CD22: variants seen among roughly 807,000 people sequenced by gnomAD.
The protein encoded by CD22 is CD22 molecule.
Under a neutral mutation model 94.7 loss-of-function variants are expected in CD22, and 51 were observed. The observed-to-expected ratio is 0.54, with a 90% CI of 0.43 to 0.68. The LOEUF (loss-of-function observed/expected upper bound fraction) is 0.68. CD22 is among the 30% of genes least tolerant of loss of function. The pLI is 0.00. For synonymous variants in CD22, 424 were observed against 422.5 expected (o/e 1.00, Z -0.04); for missense variants, 931 against 1,060.4 (o/e 0.88, Z 1.69).
chr19:35,332,107 T>C, intron 2 of CD22, 33 bp downstream of exon 2: 1 of 1,613,788 alleles, frequency 6.2e-7, no homozygotes, highest in South Asian at 1.1e-5. Context: ...GTACTGGGGT[T>C]CTGGGATGTC....
intron 3 of CD22, chr19:35,333,199 C>T: frequency 4.3e-6 from 2 of 460,218 alleles, no homozygotes; most frequent in East Asian, 7.2e-5. Context: ...ATGTATTTTT[C>T]AGCTTTTGTG....
intron 1 of CD22, chr19:35,329,499 C>T (rs1357374429): frequency 5.7e-6 from 2 of 351,074 alleles, no homozygotes; most frequent in African/African-American, 4.3e-5. Flanking sequence ...CTGCAAGGCC[C>T]TCAACAGGCC....
intron 12 of CD22, 33 bp downstream of exon 12, chr19:35,345,753 C>T: frequency 1.4e-6 from 2 of 1,442,718 alleles, no homozygotes; most frequent in Non-Finnish European, 2.0e-6. Context: ...GACCCTGCAC[C>T]CTGGGAGGGA....
intron 9 of CD22, among the ~76,000 whole-genome samples, chr19:35,342,718 A>G (rs1421458527): frequency 6.6e-6 from 1 of 152,034 alleles, no homozygotes; most frequent in East Asian, 1.9e-4. Context: ...CACCTTCCAG[A>G]AGTCCTGAGC....
Position 35,336,254 on chromosome 19 carries a change from A to G in CD22, c.631A>G (p.Ser211Gly). ...CGAGCTCAAGTTCTCCCCACAGTGG[A>G]GTCACCATGGGAAGATTGTGACCTG... ...RSELKFSPQW[S>G]HHGKIVTCQL... Residue 211 changes from serine (S) to glycine (G), a missense_variant, in exon 4 of 14, where the codon AGT becomes GGT. Ser to Gly is a moderately conservative substitution (Grantham distance 56, BLOSUM62 0). Transcript: ENST00000085219. The G allele has an allele frequency of 6.2e-7, 1 of 1,614,162 alleles. No homozygotes were observed. The highest frequency in any genetic ancestry group is 8.5e-7 in the Non-Finnish European group (1 of 1,179,984).
chr19:35,342,863 T>C (rs1238858766), intron 9 of CD22, among the ~76,000 whole-genome samples: 2 of 152,146 alleles, frequency 1.3e-5, no homozygotes, highest in African/African-American at 4.8e-5. Context: ...CAGGCTGGAG[T>C]GCAGTGGCGT....
intron 13 of CD22, 107 bp from the exon 14 acceptor site, chr19:35,346,459 C>T: frequency 6.8e-7 from 1 of 1,463,912 alleles, no homozygotes; most frequent in Non-Finnish European, 9.3e-7. Context: ...AGGACACCCG[C>T]CTGGGCTTTT....
chr19:35,332,390 T>A, intron 2 of CD22, 157 bp from the exon 3 acceptor site: 1 of 766,710 alleles, frequency 1.3e-6, no homozygotes, highest in Non-Finnish European at 2.0e-6. Context: ...GGTGGGAGGA[T>A]CACTTGAGGT....
intron 1 of CD22, chr19:35,331,029 C>G (rs1319055048): frequency 2.6e-5 from 4 of 152,154 alleles, no homozygotes; most frequent in African/African-American, 9.7e-5. Context: ...TCAAGCAATT[C>G]TCCTGCCTCA....
chr19:35,345,291 C>T lies in CD22; in HGVS notation c.2208+165C>T, dbSNP rs1054886641. 45 of 629,166 alleles carry T rather than the reference C, an allele frequency of 7.2e-5. 1 individual carries two copies. The South Asian group carries it at 7.9e-4, about 11-fold the overall frequency. 39.0% of individuals were successfully genotyped at this position (629,166 alleles called of 1,614,324 possible). A position where few individuals can be genotyped will look rare whatever the true frequency, so the allele number is the denominator to read the frequency against. On this transcript the variant is annotated intron_variant, in intron 11 of 13. Transcript: ENST00000085219. ...TAAAAATTAGCCGGGCGTGATGGTC[C>T]ATGCCTGTAATTCCAGCTACTCGGG...
intron 6 of CD22, among the ~76,000 whole-genome samples, 186 bp from the exon 7 acceptor site, chr19:35,340,695 A>G (rs1386451282): frequency 6.6e-6 from 1 of 152,234 alleles, no homozygotes; most frequent in Admixed American, 6.5e-5. Context: ...AACCACAGCC[A>G]GGCCAGAGAG....
At position 35,341,353 on chromosome 19, in the gene CD22, A is replaced by C. The variant is rs570968940; in HGVS notation, c.1518A>C (p.Arg506=). The C allele has an allele frequency of 3.0e-4, 481 of 1,613,624 alleles. 5 individuals are homozygous for C. The South Asian group carries it at 4.9e-3, about 16-fold the overall frequency. Residue 506 remains arginine (R), a synonymous_variant, in exon 8 of 14, where the codon CGA becomes CGC. Coordinates refer to ENST00000085219, the MANE Select transcript of CD22 (RefSeq NM_001771.4). This position sits in a 1 kb window ranked among gnomAD's most constrained non-coding sequence, Gnocchi z 4.0. ...ACCCTTGCCCTCCAGATGCCCCCCGAGACGTGAGGGTCCGGAAAATCAAGC... is the reference window on the plus strand; with the variant it reads ...ACCCTTGCCCTCCAGATGCCCCCCGCGACGTGAGGGTCCGGAAAATCAAGC... ...PVALNVQYAP[R]DVRVRKIKPL... is the part of the protein sequence containing the mutation.
In CD22 at chr19:35,338,367, C is replaced by T. The variant is rs1394396836; in HGVS notation, c.1185C>T (p.Ser395=). 1.2e-6 allele frequency: 2 copies of T among 1,614,080 alleles called. No homozygotes were observed. Among genetic ancestry groups the T allele is most frequent in the East Asian group, 2.2e-5 (1 of 44,886 alleles). ...TCCCCTGGCACGCTGGGACTTATTC[C>T]TGTGTGGCAGAAAACATTCTTGGTA... ...KILPWHAGTY[S]CVAENILGTG... is the part of the protein sequence containing the mutation. The change falls in exon 6 of 14, where the codon TCC becomes TCT. Residue 395 remains serine (S), a synonymous_variant. Coordinates refer to ENST00000085219, the MANE Select transcript of CD22 (RefSeq NM_001771.4).
chr19:35,343,094 G>A (rs563843185), intron 9 of CD22, among the ~76,000 whole-genome samples: 20 of 149,868 alleles, frequency 1.3e-4, no homozygotes, highest in South Asian at 2.1e-4. Context: ...CACCGCACCC[G>A]GCTGATTTTT....
In CD22 at chr19:35,344,839, G is replaced by A. The variant is rs1270481570; in HGVS notation, c.2046G>A (p.Glu682=). The A allele has an allele frequency of 6.2e-7, 1 of 1,612,070 alleles. No individual in the cohort carries two copies. The highest frequency in any genetic ancestry group is 1.3e-5 in the African/African-American group (1 of 75,016). ...CCTTTCTCCACCCAGATAGCCCGGA[G>A]ACCATCGGCAGGCGAGTGGCTGTGG... The part of the protein sequence containing the change: ...LSTLTVYYSP[E]TIGRRVAVGL... Residue 682 remains glutamate (E), a synonymous_variant, in exon 10 of 14, where the codon GAG becomes GAA. Coordinates refer to ENST00000085219, the MANE Select transcript of CD22 (RefSeq NM_001771.4).
At chr19:35,344,121 G>A (rs529895879) in intron 9 of CD22, among the ~76,000 whole-genome samples, 74 of 152,328 alleles carry the variant, frequency 4.9e-4, no homozygotes, top group Middle Eastern at 3.4e-3. Flanking sequence ...GCTTGAACCC[G>A]GGAGGCAGAG....
In CD22 at chr19:35,341,808, C is replaced by G; in HGVS notation, c.1878C>G (p.His626Gln). 1 of 1,613,938 alleles carries G rather than the reference C, an allele frequency of 6.2e-7. No homozygotes were observed. Among genetic ancestry groups the G allele is most frequent in the Non-Finnish European group, 8.5e-7 (1 of 1,180,026 alleles). The change falls in exon 9 of 14, where the codon CAC becomes CAG. Residue 626 changes from histidine to glutamine, a missense_variant. Coordinates refer to ENST00000085219, the MANE Select transcript of CD22 (RefSeq NM_001771.4). This position sits in a 1 kb window ranked among gnomAD's most constrained non-coding sequence, Gnocchi z 4.0. The stretch of plus-strand genomic sequence containing the variant: ...GCGACGCCAACCCTCCCGTCTCCCA[C>G]TACACCTGGTTTGACTGGAATAACC... Reference protein sequence around the residue: ...CESDANPPVSHYTWFDWNNQS... With the variant: ...CESDANPPVSQYTWFDWNNQS...
chr19:35,346,267 G>T (rs1210954004), intron 13 of CD22, 32 bp downstream of exon 13: 1 of 1,576,880 alleles, frequency 6.3e-7, no homozygotes, highest in South Asian at 1.1e-5. Flanking sequence ...CTCCCCAGAG[G>T]GGCTGTGGAA....
At chr19:35,346,301 A>C in intron 13 of CD22, 66 bp downstream of exon 13, 2 of 1,384,890 alleles carry the variant, frequency 1.4e-6, no homozygotes. Context: ...GCCTGGCCTC[A>C]GTGGTGGGTC....
Sources: gnomAD v4.1 joint callset for allele counts (sites outside exome capture counted in the v4.1 genomes callset) on GRCh38, gnomAD v4.1.1 for gene constraint, Gnocchi (gnomAD v3.1) non-coding constraint, MANE v1.5 for transcripts, NCBI Gene and HGNC (gene_info 2026-07-23, HGNC 2026-07-21) for gene names.